LRRC72: variants seen among roughly 807,000 people sequenced by gnomAD.
The protein encoded by LRRC72 is leucine rich repeat containing 72, also known as leucine-rich repeat-containing protein 72.
Under a neutral mutation model 35.8 loss-of-function variants are expected in LRRC72, and 41 were observed. The ratio of observed to expected loss-of-function variants is 1.15; its 90% CI spans 0.89 to 1.49. The LOEUF (loss-of-function observed/expected upper bound fraction) is 1.49. Ranked by LOEUF, LRRC72 falls within the 40% of genes most tolerant of loss-of-function variation. The probability of loss-of-function intolerance (pLI) is 0.00; values close to 1 mark genes in which losing one functional copy is unlikely to be tolerated. For synonymous variants in LRRC72, 118 were observed against 119.2 expected (o/e 0.99, Z 0.07); for missense variants, 389 against 330.7 (o/e 1.18, Z -1.37).
intron 3 of LRRC72, among the ~76,000 whole-genome samples, chr7:16,546,075 A>G (rs189334376): frequency 1.3e-5 from 2 of 152,266 alleles, no homozygotes; most frequent in East Asian, 3.9e-4. Context: ...TAAACTTAGA[A>G]ATTCTTAAAA....
At chr7:16,573,357 G>A (rs1782981449) in intron 7 of LRRC72, among the ~76,000 whole-genome samples, 1 of 152,136 alleles carries the variant, frequency 6.6e-6, no homozygotes, top group African/African-American at 2.4e-5. Flanking sequence ...ACAATTCTAA[G>A]CAAAAAGAAC....
At chr7:16,548,961 G>C (rs1782500379) in intron 3 of LRRC72, among the ~76,000 whole-genome samples, 1 of 152,184 alleles carries the variant, frequency 6.6e-6, no homozygotes, top group Non-Finnish European at 1.5e-5. Flanking sequence ...TAAGAGCAGA[G>C]AATTTTGTCT....
chr7:16,565,556 A>G (rs1782816038), intron 5 of LRRC72, among the ~76,000 whole-genome samples: 1 of 152,228 alleles, frequency 6.6e-6, no homozygotes, highest in East Asian at 1.9e-4. Context: ...AAGCCCTCAC[A>G]ACTTCTAGTT....
chr7:16,578,297 AC>A (rs1489597612), intron 7 of LRRC72, among the ~76,000 whole-genome samples: 1 of 152,170 alleles, frequency 6.6e-6, no homozygotes, highest in African/African-American at 2.4e-5. Context: ...ACATGGTGAA[AC>A]CCCGTCTCTA....
rs377437109 is a variant in LRRC72 at position 16,551,567 on chromosome 7, A to G, written c.235-5793A>G. 2.6e-5 allele frequency among the ~76,000 whole-genome samples: 4 copies of G among 152,292 alleles called. No homozygotes were observed. In the South Asian group the frequency reaches 6.2e-4, roughly 24 times the overall value. On this transcript the variant is annotated intron_variant, in intron 3 of 8. Transcript: ENST00000401542. ...AGGTTAAATTGATCACCAATGGCCA[A>G]TGATTTAATCAATTATGCCTATGTA...
At chr7:16,554,980 G>A (rs1251559259) in intron 3 of LRRC72, among the ~76,000 whole-genome samples, 1 of 152,176 alleles carries the variant, frequency 6.6e-6, no homozygotes, top group Non-Finnish European at 1.5e-5. Context: ...GTCAAGTGTG[G>A]CTATTATTAA....
rs546699088 is a variant in LRRC72, at chr7:16,577,294, G to A, written c.671-2780G>A. 3.9e-5 allele frequency among the ~76,000 whole-genome samples: 6 copies of A among 152,264 alleles called. No individual in the cohort carries two copies. The South Asian group carries it at 1.2e-3, about 32-fold the overall frequency. On this transcript the variant is annotated intron_variant, in intron 7 of 8. Coordinates refer to ENST00000401542, the MANE Select transcript of LRRC72 (RefSeq NM_001195280.2). ...ACTCTTTGCACAGAAAACATTTACT[G>A]AGGCCCCCCAAGAATTGTGCCATAA...
At chr7:16,556,595 T>A (rs1782654332) in intron 3 of LRRC72, among the ~76,000 whole-genome samples, 1 of 152,122 alleles carries the variant, frequency 6.6e-6, no homozygotes, top group South Asian at 2.1e-4. Context: ...ATGGCTAAAC[T>A]GAGATCTGTT....
rs933048025 is a variant in LRRC72, at chr7:16,581,513, A to G, written c.*24A>G. ...AAGCCCTGGTATTTCTAGATATCTT[A>G]GTGGTTTTCAGTTGTATATTAAACT... On this transcript the variant is annotated 3_prime_UTR_variant, in exon 9 of 9. Transcript: ENST00000401542. The G allele has an allele frequency of 1.3e-6, 2 of 1,484,042 alleles. No individual in the cohort carries two copies. Among genetic ancestry groups the G allele is most frequent in the South Asian group, 1.4e-5 (1 of 70,574 alleles). The allele number at this position is 1,484,042 out of a possible 1,614,324, so 91.9% of individuals were successfully genotyped here.
intron 3 of LRRC72, among the ~76,000 whole-genome samples, chr7:16,551,568 T>G (rs1782549647): frequency 6.6e-6 from 1 of 152,158 alleles, no homozygotes; most frequent in South Asian, 2.1e-4. Flanking sequence ...CAATGGCCAA[T>G]GATTTAATCA....
At chr7:16,570,913 A>G (rs1782932961) in intron 7 of LRRC72, among the ~76,000 whole-genome samples, 1 of 151,948 alleles carries the variant, frequency 6.6e-6, no homozygotes, top group African/African-American at 2.4e-5. Flanking sequence ...AAGATTCACA[A>G]TTAGATTTTT....
chr7:16,560,312 T>A (rs1782724085), intron 5 of LRRC72, among the ~76,000 whole-genome samples: 2 of 152,226 alleles, frequency 1.3e-5, no homozygotes. Context: ...TACAGAGAGT[T>A]ACTAAGGTTT....
intron 7 of LRRC72, among the ~76,000 whole-genome samples, chr7:16,572,908 T>C (rs1174101784): frequency 1.3e-5 from 2 of 152,122 alleles, no homozygotes; most frequent in African/African-American, 4.8e-5. Flanking sequence ...AAAACCCCAT[T>C]GTCTCAGCCC....
intron 7 of LRRC72, among the ~76,000 whole-genome samples, chr7:16,573,025 C>T (rs1020756441): frequency 6.6e-6 from 1 of 151,994 alleles, no homozygotes; most frequent in Non-Finnish European, 1.5e-5. Flanking sequence ...AAACAGAGAG[C>T]CAAATCATGA....
intron 2 of LRRC72, among the ~76,000 whole-genome samples, chr7:16,533,325 T>C (rs1439225984): frequency 2.0e-5 from 3 of 152,102 alleles, no homozygotes; most frequent in Admixed American, 1.3e-4. Flanking sequence ...ATTGGGTTTT[T>C]CTATAGAGTA....
intron 5 of LRRC72, among the ~76,000 whole-genome samples, chr7:16,564,045 G>C (rs571933893): frequency 6.6e-6 from 1 of 152,300 alleles, no homozygotes; most frequent in Admixed American, 6.5e-5. Context: ...CCCAAGAAAT[G>C]AAATGAAATG....
At chr7:16,572,878 T>C (rs937345722) in intron 7 of LRRC72, among the ~76,000 whole-genome samples, 1 of 152,142 alleles carries the variant, frequency 6.6e-6, no homozygotes, top group African/African-American at 2.4e-5. Context: ...TGCTTGCAGA[T>C]GACATGATTA....
At chr7:16,547,257 G>A (rs2128336053) in intron 3 of LRRC72, among the ~76,000 whole-genome samples, 1 of 152,306 alleles carries the variant, frequency 6.6e-6, no homozygotes, top group African/African-American at 2.4e-5. Context: ...CTGCTGCAAT[G>A]GGGCCAGGCC....
intron 6 of LRRC72, 51 bp downstream of exon 6, chr7:16,566,453 C>T (rs1782846788): frequency 1.6e-6 from 2 of 1,239,950 alleles, no homozygotes; most frequent in Non-Finnish European, 1.1e-6. Context: ...AGTCTTATAG[C>T]TCAGCGGTTT....
Sources: allele counts gnomAD v4.1 joint callset (sites outside exome capture counted in the v4.1 genomes callset), GRCh38; gene constraint gnomAD v4.1.1; transcripts MANE v1.5; gene names NCBI Gene and HGNC (gene_info 2026-07-23, HGNC 2026-07-21).